The following ZRANB1 variants were observed in gnomAD, a reference collection of about 807,000 sequenced individuals.
ZRANB1 encodes zinc finger RANBP2-type containing 1.
A neutral mutation model predicts 80.5 loss-of-function variants in ZRANB1; 16 were observed. The observed-to-expected ratio is 0.20, with a 90% CI of 0.13 to 0.30. The LOEUF is 0.30. Among genes scored for constraint, ZRANB1 ranks in the 10% least tolerant of loss-of-function variants. ZRANB1 has a pLI of 1.00. For missense variants in ZRANB1, 576 were observed against 862.6 expected, an observed-to-expected ratio of 0.67 and a Z score of 4.16; for synonymous variants, 291 against 293.1, an observed-to-expected ratio of 0.99 and a Z score of 0.07.
At chr10:124,953,110 T>TA (rs11430372) in intron 1 of ZRANB1, among the ~76,000 whole-genome samples, 3 of 147,844 alleles carry the variant, frequency 2.0e-5, no homozygotes, top group African/African-American at 7.6e-5. Context: ...TTTTTTTTTT[T>TA]AAGTAGAGAC....
intron 3 of ZRANB1, among the ~76,000 whole-genome samples, chr10:124,972,699 A>G (rs1951837295): frequency 1.3e-5 from 2 of 152,062 alleles, no homozygotes; most frequent in South Asian, 4.1e-4. Context: ...GTCAGTTGGC[A>G]TTGAATAAAT....
At chr10:124,936,420 C>T in the ZRANB1 span, among the ~76,000 whole-genome samples, 1 of 152,156 alleles carries the variant, frequency 6.6e-6, no homozygotes, top group Non-Finnish European at 1.5e-5. Context: ...TCTGAGTTCT[C>T]TGCTGGGTGC....
At chr10:124,926,346 T>A in the ZRANB1 span, among the ~76,000 whole-genome samples, 1 of 152,260 alleles carries the variant, frequency 6.6e-6, no homozygotes, top group Non-Finnish European at 1.5e-5. Flanking sequence ...TTTAGACTTT[T>A]GTAGTAACAC....
Position 124,942,253 on chromosome 10 carries a change from G to A in ZRANB1, c.-241G>A, listed in dbSNP as rs1951542465. The stretch of plus-strand genomic sequence containing the variant: ...CAAAGTTCAGTTTTATTAAATCCCA[G>A]GGTCTAAGATTTTTTCTTTGAGAAT... On this transcript the variant is annotated 5_prime_UTR_variant, in exon 1 of 9. Coordinates refer to ENST00000359653, the MANE Select transcript of ZRANB1 (RefSeq NM_017580.3). 1 of 1,333,446 alleles carries A rather than the reference G, an allele frequency of 7.5e-7. No homozygotes were observed. The highest frequency in any genetic ancestry group is 1.5e-5 in the African/African-American group (1 of 67,918). 82.6% of individuals were successfully genotyped at this position (1,333,446 alleles called of 1,614,324 possible). A position where few individuals can be genotyped will look rare whatever the true frequency, so the allele number is the denominator to read the frequency against.
chr10:124,963,554 G>GTTTTTTTTTTTTTTTTTTTTTTTTGTTT (rs760813299), intron 1 of ZRANB1, among the ~76,000 whole-genome samples: 1 of 57,510 alleles, frequency 1.7e-5, no homozygotes, highest in African/African-American at 6.2e-5. Context: ...TTTTTTGTTT[G>GTTTTTTTTTTTTTTTTTTTTTTTTGTTT]TTTTTTTTTT....
At chr10:124,961,066 A>G (rs924982865) in intron 1 of ZRANB1, among the ~76,000 whole-genome samples, 3 of 151,918 alleles carry the variant, frequency 2.0e-5, no homozygotes, top group Non-Finnish European at 2.9e-5. Context: ...CAGTGGCGCA[A>G]TCTCGGCTCA....
At chr10:124,926,835 A>T in the ZRANB1 span, among the ~76,000 whole-genome samples, 1 of 152,224 alleles carries the variant, frequency 6.6e-6, no homozygotes, top group Non-Finnish European at 1.5e-5. Flanking sequence ...CCATGACATT[A>T]TGGTGGCTTT....
At chr10:124,935,161 T>G in the ZRANB1 span, among the ~76,000 whole-genome samples, 1 of 152,218 alleles carries the variant, frequency 6.6e-6, no homozygotes, top group Non-Finnish European at 1.5e-5. Flanking sequence ...GGCTAGAATG[T>G]GAAGGTGCTG....
At chr10:124,928,111 C>T in the ZRANB1 span, among the ~76,000 whole-genome samples, 7 of 152,032 alleles carry the variant, frequency 4.6e-5, no homozygotes, top group Middle Eastern at 3.2e-3. Flanking sequence ...TGGGCTTTAC[C>T]GAGGTGGGAA....
chr10:124,944,484 T>TCCCCCCC (rs56891265), intron 1 of ZRANB1, among the ~76,000 whole-genome samples: 3 of 60,910 alleles, frequency 4.9e-5, no homozygotes, highest in African/African-American at 1.1e-4. Flanking sequence ...TATATATCAT[T>TCCCCCCC]CCCCCCCCCC....
Position 124,974,244 on chromosome 10 carries a change from G to C in ZRANB1, c.1273G>C (p.Ala425Pro). Reference sequence around the variant, plus strand: ...AATTATTAACTGGTCCTTGGAATTGGCTACACGTTTGGACAGTCGACTGTA... The same window carrying C: ...AATTATTAACTGGTCCTTGGAATTGCCTACACGTTTGGACAGTCGACTGTA... ...SPIINWSLEL[A>P]TRLDSRLYAL... The change falls in exon 5 of 9, where the codon GCT (alanine) becomes CCT (proline). Residue 425 changes from alanine (A) to proline (P), a missense_variant. By Grantham distance (27) the Ala-to-Pro change is conservative. Transcript: ENST00000359653. 4 of 1,614,232 alleles carry C rather than the reference G, an allele frequency of 2.5e-6. No homozygotes were observed. Among genetic ancestry groups the C allele is most frequent in the Non-Finnish European group, 3.4e-6 (4 of 1,180,034 alleles).
At chr10:124,958,827 G>A (rs549562904) in intron 1 of ZRANB1, among the ~76,000 whole-genome samples, 49 of 151,742 alleles carry the variant, frequency 3.2e-4, no homozygotes, top group Non-Finnish European at 5.4e-4. Flanking sequence ...GTTCACTTTC[G>A]TTCACTTTCT....
At chr10:124,939,029 T>G (rs1222195333), upstream of ZRANB1, among the ~76,000 whole-genome samples, 2 of 151,896 alleles carry the variant, frequency 1.3e-5, no homozygotes, top group Non-Finnish European at 2.9e-5. Flanking sequence ...ATAAAAAAAT[T>G]GGCTGGGCAT....
intron 2 of ZRANB1, 143 bp from the exon 3 acceptor site, chr10:124,971,822 G>A: frequency 1.5e-6 from 1 of 682,312 alleles, no homozygotes; most frequent in South Asian, 3.9e-5. Flanking sequence ...ACTTTCATTG[G>A]TAAGGAAATA....
At chr10:124,919,732 C>T in the ZRANB1 span, among the ~76,000 whole-genome samples, 1 of 151,324 alleles carries the variant, frequency 6.6e-6, no homozygotes, top group African/African-American at 2.4e-5. Flanking sequence ...CTGCCTCATC[C>T]TCCCGAGTAG....
rs75098991 is a variant in ZRANB1, at chr10:124,975,052, G to A, written c.1427+654G>A. Among the ~76,000 whole-genome samples, 940 of 152,284 alleles carry A rather than the reference G, an allele frequency of 6.2e-3. 12 individuals are homozygous for A. Among genetic ancestry groups the A allele is most frequent in the African/African-American group, 0.021 (863 of 41,550 alleles). On this transcript the variant is annotated intron_variant, in intron 5 of 8. Coordinates refer to ENST00000359653, the MANE Select transcript of ZRANB1 (RefSeq NM_017580.3). The stretch of plus-strand genomic sequence containing the variant: ...GATCTCAAGCGATCCGCCTGCCTGG[G>A]GCCCCCAAAGTGCTTGGATGACAGG...
At chr10:124,978,905 T>C (rs1474501470) in intron 5 of ZRANB1, among the ~76,000 whole-genome samples, 1 of 147,734 alleles carries the variant, frequency 6.8e-6, no homozygotes, top group Non-Finnish European at 1.5e-5. Flanking sequence ...GTTTTTGTTA[T>C]GAAGAATTAT....
At position 124,983,599 on chromosome 10, in the gene ZRANB1, A is replaced by G. The variant is rs781584117; in HGVS notation, c.1819A>G (p.Asn607Asp). 8 of 1,613,940 alleles carry G rather than the reference A, an allele frequency of 5.0e-6. No homozygotes were observed. In the African/African-American group the frequency reaches 9.3e-5, roughly 19 times the overall value. Residue 607 changes from asparagine (N) to aspartate (D), a missense_variant, in exon 8 of 9, where the codon AAT becomes GAT. Coordinates refer to ENST00000359653, the MANE Select transcript of ZRANB1 (RefSeq NM_017580.3). The surrounding 1 kb of genome is among the most constrained non-coding windows in gnomAD (Gnocchi z 6.2). ...CAACCGAGGTGCTGGTGCTAATCTC[A>G]ATACCGATGATGATGTCACCATCAC... The part of the protein sequence containing the change: ...YGNRGAGANL[N>D]TDDDVTITFL...
chr10:124,944,410 G>A (rs1222541996), intron 1 of ZRANB1, among the ~76,000 whole-genome samples: 1 of 151,772 alleles, frequency 6.6e-6, no homozygotes, highest in African/African-American at 2.4e-5. Context: ...GAAAGTTTAG[G>A]TGTATGAACC....
Sources: allele counts gnomAD v4.1 joint callset (sites outside exome capture counted in the v4.1 genomes callset), GRCh38; gene constraint gnomAD v4.1.1; non-coding constraint Gnocchi (gnomAD v3.1); transcripts MANE v1.5; gene names NCBI Gene and HGNC (gene_info 2026-07-23, HGNC 2026-07-21).